ROBO1: variants seen among roughly 807,000 people sequenced by gnomAD.
ROBO1 encodes roundabout guidance receptor 1.
In ROBO1, 149 loss-of-function variants were observed where a neutral mutation model predicts 195.9. That is an observed-to-expected ratio of 0.76 (90% CI 0.67 to 0.87). The LOEUF is 0.87. ROBO1 is among the 40% of genes least tolerant of loss of function. The pLI, the probability that ROBO1 is intolerant of heterozygous loss-of-function variation, is 0.00. For missense variants in ROBO1, 1,933 were observed against 2,068.3 expected, an observed-to-expected ratio of 0.93 and a Z score of 1.27; for synonymous variants, 816 against 733.2, an observed-to-expected ratio of 1.11 and a Z score of -1.82.
At chr3:79,116,966 T>C (rs936502234) in intron 3 of ROBO1, among the ~76,000 whole-genome samples, 3 of 152,232 alleles carry the variant, frequency 2.0e-5, no homozygotes, top group African/African-American at 7.2e-5. Flanking sequence ...TTTGAATCCA[T>C]GGATGCAGAA....
At chr3:79,261,478 AGTT>A (rs371158451) in intron 2 of ROBO1, among the ~76,000 whole-genome samples, 295 of 152,162 alleles carry the variant, frequency 1.9e-3, no homozygotes, top group South Asian at 8.5e-3. Context: ...GTATATATTC[AGTT>A]GTTGTATATA....
chr3:79,576,564 A>C (rs2107771770), intron 2 of ROBO1, among the ~76,000 whole-genome samples: 1 of 152,238 alleles, frequency 6.6e-6, no homozygotes. Flanking sequence ...AATCATTTCA[A>C]GTTTCCCAAG....
chr3:79,542,431 C>A (rs1942106690), intron 2 of ROBO1, among the ~76,000 whole-genome samples: 1 of 151,828 alleles, frequency 6.6e-6, no homozygotes, highest in Non-Finnish European at 1.5e-5. Flanking sequence ...GTTATTTTTT[C>A]AGAAATGCAT....
chr3:79,106,276 G>C (rs1229381741), intron 3 of ROBO1, among the ~76,000 whole-genome samples: 1 of 151,474 alleles, frequency 6.6e-6, no homozygotes, highest in Non-Finnish European at 1.5e-5. Flanking sequence ...GTTCCCTCTG[G>C]GAAGCAAAAA....
intron 2 of ROBO1, among the ~76,000 whole-genome samples, chr3:79,129,128 C>T (rs1269951686): frequency 6.6e-6 from 1 of 152,170 alleles, no homozygotes; most frequent in African/African-American, 2.4e-5. Flanking sequence ...AAGCTTCACA[C>T]TTTTTCTCAC....
At position 78,635,900 on chromosome 3, in the gene ROBO1, G is replaced by A. The variant is rs34841026; in HGVS notation, c.3246C>T (p.Asn1082=). 3.7e-4 allele frequency: 597 copies of A among 1,613,872 alleles called. 3 individuals carry two copies. In the African/African-American group the frequency reaches 6.9e-3, roughly 19 times the overall value. ...PYATTQLIQS[N]LSNNMNNGSG... ...TGCCATTGTTCATGTTGTTGCTGAGGTTTGACTGGATGAGCTGAGTGGTGG... is the reference window on the plus strand; with the variant it reads ...TGCCATTGTTCATGTTGTTGCTGAGATTTGACTGGATGAGCTGAGTGGTGG... The change falls in exon 23 of 31, where the codon AAC becomes AAT. Residue 1082 remains asparagine, a synonymous_variant. Coordinates refer to ENST00000464233, the MANE Select transcript of ROBO1 (RefSeq NM_002941.4).
In ROBO1 at chr3:79,018,518, G is replaced by A. The variant is rs1005372945; in HGVS notation, c.173-79591C>T. On this transcript the variant is annotated intron_variant, in intron 3 of 30. Coordinates refer to ENST00000464233, the MANE Select transcript of ROBO1 (RefSeq NM_002941.4). ...TGCCAAGAGGAGGGAGTGGAAATAG[G>A]GTCCCCAAATGTATGAAGCCACACA... The A allele has an allele frequency of 2.5e-6, 4 of 1,608,258 alleles. No individual in the cohort carries two copies. In the African/African-American group the frequency reaches 4.0e-5, roughly 16 times the overall value.
At chr3:79,044,535 T>C (rs1169771232) in intron 3 of ROBO1, among the ~76,000 whole-genome samples, 1 of 152,148 alleles carries the variant, frequency 6.6e-6, no homozygotes, top group East Asian at 1.9e-4. Context: ...CAGAGATAAT[T>C]TACCAACCAA....
chr3:78,659,796 G>A lies in ROBO1; in HGVS notation c.2332C>T (p.Pro778Ser). The A allele has an allele frequency of 6.2e-7, 1 of 1,604,214 alleles. No individual in the cohort carries two copies. Among genetic ancestry groups the A allele is most frequent in the Non-Finnish European group, 8.5e-7 (1 of 1,175,208 alleles). The stretch of plus-strand genomic sequence containing the variant: ...TTGGATACAGTTACACCTTGGGGTG[G>A]GGCACTGGGTGCTATTAAATTGTTT... Reference protein sequence around the residue: ...AKTLEEAPSAPPQGVTVSKND... With the variant: ...AKTLEEAPSASPQGVTVSKND... The change falls in exon 17 of 31, where the codon CCA becomes TCA. Residue 778 changes from proline (P) to serine (S), a missense_variant. Physicochemically the swap from Pro to Ser is moderately conservative, Grantham distance 74. Around this residue, in one of 3 missense-constraint regions of ROBO1, gnomAD observed 1,737 missense variants for 1,882.5 expected, o/e 0.92. Transcript: ENST00000464233.
At chr3:79,016,335 T>C (rs1380862633) in intron 3 of ROBO1, among the ~76,000 whole-genome samples, 1 of 152,142 alleles carries the variant, frequency 6.6e-6, no homozygotes, top group South Asian at 2.1e-4. Context: ...AAAGAAGCTT[T>C]TGTCCTGAAA....
intron 19 of ROBO1, among the ~76,000 whole-genome samples, chr3:78,649,873 G>T (rs916212373): frequency 6.6e-6 from 1 of 152,142 alleles, no homozygotes; most frequent in Non-Finnish European, 1.5e-5. Flanking sequence ...TAAAGAAAAA[G>T]AAACATTTCA....
chr3:78,990,393 G>C (rs1342981009), intron 3 of ROBO1, among the ~76,000 whole-genome samples: 1 of 152,162 alleles, frequency 6.6e-6, no homozygotes, highest in Non-Finnish European at 1.5e-5. Flanking sequence ...CAATGAATCT[G>C]AGACAGGTTC....
At position 78,859,529 on chromosome 3, in the gene ROBO1, G is replaced by C. The variant is rs2034655262; in HGVS notation, c.499+79072C>G. On this transcript the variant is annotated intron_variant, in intron 4 of 30. Transcript: ENST00000464233. ...GTTCAACCTATAGTGATAATATCTA[G>C]AATAGGACCAAGGGAATATAGAGGA... 2.6e-5 allele frequency among the ~76,000 whole-genome samples: 4 copies of C among 152,128 alleles called. No individual in the cohort carries two copies. In the South Asian group the frequency reaches 6.2e-4, roughly 24 times the overall value.
intron 2 of ROBO1, among the ~76,000 whole-genome samples, chr3:79,427,551 C>T (rs1359138300): frequency 6.6e-6 from 1 of 152,070 alleles, no homozygotes; most frequent in Non-Finnish European, 1.5e-5. Context: ...TCAATTTCCT[C>T]ATTTTAAAAA....
rs1707389845 is a variant in ROBO1 at position 78,661,331 on chromosome 3, T to C, written c.2089-70A>G. 6.0e-6 allele frequency: 6 copies of C among 991,962 alleles called. No homozygotes were observed. The East Asian group carries it at 1.7e-4, about 28-fold the overall frequency. 61.4% of individuals were successfully genotyped at this position (991,962 alleles called of 1,614,324 possible). A position where few individuals can be genotyped will look rare whatever the true frequency, so the allele number is the denominator to read the frequency against. ...TGGTTCATCAGAAAATAATAAAAAT[T>C]AAACGTTATAAAATGCACAAAATTC... On this transcript the variant is annotated intron_variant, in intron 15 of 30. Coordinates refer to ENST00000464233, the MANE Select transcript of ROBO1 (RefSeq NM_002941.4).
At chr3:79,721,192 G>T (rs184571385) in intron 1 of ROBO1, among the ~76,000 whole-genome samples, 6 of 152,268 alleles carry the variant, frequency 3.9e-5, no homozygotes, top group African/African-American at 1.4e-4. Context: ...AACAGTGATT[G>T]TGGATGCCAA....
At chr3:79,660,443 T>C (rs1946296350) in intron 1 of ROBO1, among the ~76,000 whole-genome samples, 1 of 152,082 alleles carries the variant, frequency 6.6e-6, no homozygotes, top group African/African-American at 2.4e-5. Context: ...TACAATGCGA[T>C]CACTCCCAAG....
At chr3:79,226,277 A>G (rs2082225439) in intron 2 of ROBO1, among the ~76,000 whole-genome samples, 1 of 152,120 alleles carries the variant, frequency 6.6e-6, no homozygotes, top group Admixed American at 6.6e-5. Flanking sequence ...AAACAGCCAC[A>G]CGGGACTGAG....
chr3:78,693,500 CTG>C, intron 8 of ROBO1: 1 of 644,878 alleles, frequency 1.6e-6, no homozygotes. Context: ...ATGGCTCACA[CTG>C]TACATGGATG....
Sources: allele counts gnomAD v4.1 joint callset (sites outside exome capture counted in the v4.1 genomes callset), GRCh38; gene constraint gnomAD v4.1.1; regional missense constraint gnomAD v4.1.1; transcripts MANE v1.5; gene names NCBI Gene and HGNC (gene_info 2026-07-23, HGNC 2026-07-21).